VNN2: variants seen among roughly 807,000 people sequenced by gnomAD.
VNN2 encodes the protein pantetheine hydrolase VNN2.
VNN2 carries 43 observed loss-of-function variants against 43.0 expected under a neutral mutation model. The observed-to-expected ratio is 1.00, with a 90% CI of 0.78 to 1.29. The LOEUF is 1.29. Ranked by LOEUF, VNN2 falls within the 50% of genes most tolerant of loss-of-function variation. VNN2 has a pLI of 0.00. For missense variants in VNN2, 652 were observed against 619.7 expected, an observed-to-expected ratio of 1.05 and a Z score of -0.55; for synonymous variants, 230 against 224.3, an observed-to-expected ratio of 1.03 and a Z score of -0.23.
upstream of VNN2, chr6:132,758,041 T>TCTTCTTCTTCTTC (rs1554219567): frequency 2.7e-4 from 67 of 247,712 alleles, 1 homozygote; most frequent in African/African-American, 1.9e-3. Context: ...TTCTTCTTCT[T>TCTTCTTCTTCTTC]TTTTTTTTTT....
At chr6:132,760,915 G>T (rs1239916686), upstream of VNN2, 1 of 151,986 alleles carries the variant, frequency 6.6e-6, no homozygotes, top group African/African-American at 2.4e-5. Flanking sequence ...TCCCTCCTTT[G>T]TTTTTTTATT....
intron 3 of VNN2, chr6:132,753,794 A>G (rs537754488): frequency 5.6e-6 from 1 of 177,984 alleles, no homozygotes; most frequent in East Asian, 1.6e-4. Flanking sequence ...TCTACTAAAA[A>G]ATCCAAAAAT....
chr6:132,758,491 C>A (rs1780636438), upstream of VNN2, among the ~76,000 whole-genome samples: 1 of 151,916 alleles, frequency 6.6e-6, no homozygotes, highest in Non-Finnish European at 1.5e-5. Flanking sequence ...CAAAAGACAC[C>A]CGAATTCAAA....
At chr6:132,753,350 A>C (rs1363940102) in intron 3 of VNN2, 2 of 361,906 alleles carry the variant, frequency 5.5e-6, no homozygotes, top group Admixed American at 3.5e-5. Context: ...AAGTTAAAAA[A>C]CATGCATTAT....
upstream of VNN2, among the ~76,000 whole-genome samples, chr6:132,761,849 T>G (rs185730810): frequency 6.6e-6 from 1 of 152,148 alleles, no homozygotes; most frequent in African/African-American, 2.4e-5. Flanking sequence ...TTTGCACCAC[T>G]TCTTTGGACC....
rs1562243222 is a variant in VNN2, at chr6:132,749,684, A to T, written c.1371+11T>A. ...TATAAAATGAAAATACTCTTATAAA[A>T]GTCCTCTTACCTCAAATTTTCCAGG... On this transcript the variant is annotated intron_variant, in intron 6 of 6. Coordinates refer to ENST00000326499, the MANE Select transcript of VNN2 (RefSeq NM_004665.6). 1 of 1,607,074 alleles carries T rather than the reference A, an allele frequency of 6.2e-7. No individual in the cohort carries two copies.
upstream of VNN2, among the ~76,000 whole-genome samples, chr6:132,762,851 A>C (rs1780769112): frequency 1.3e-5 from 2 of 152,202 alleles, no homozygotes; most frequent in Admixed American, 1.3e-4. Context: ...GGTTCAACCA[A>C]CATGTCTGTT....
chr6:132,748,401 A>C (rs1001316652), intron 6 of VNN2, among the ~76,000 whole-genome samples: 2 of 152,192 alleles, frequency 1.3e-5, no homozygotes, highest in Non-Finnish European at 2.9e-5. Flanking sequence ...CTGTATGTTA[A>C]ATTGTTGGTT....
chr6:132,749,236 G>A (rs1160678426), intron 6 of VNN2, among the ~76,000 whole-genome samples: 1 of 152,160 alleles, frequency 6.6e-6, no homozygotes, highest in Non-Finnish European at 1.5e-5. Flanking sequence ...CACTGCTCAT[G>A]TAACTTCCTG....
chr6:132,750,916 T>C (rs2114556668), intron 5 of VNN2, among the ~76,000 whole-genome samples: 1 of 152,298 alleles, frequency 6.6e-6, no homozygotes, highest in African/African-American at 2.4e-5. Context: ...TTTTTAAATA[T>C]GCTTAAAGCA....
At chr6:132,760,042 G>A (rs773850319), upstream of VNN2, among the ~76,000 whole-genome samples, 6 of 152,378 alleles carry the variant, frequency 3.9e-5, no homozygotes, top group East Asian at 1.9e-4. Flanking sequence ...TAGAGCGACA[G>A]AGCAGGATGT....
At chr6:132,758,018 CTTCTTCTTCTTCTTCTTCTTCTT>C (rs1780599967), upstream of VNN2, 280 of 159,634 alleles carry the variant, frequency 1.8e-3, 14 homozygotes, top group Middle Eastern at 4.6e-3. Flanking sequence ...TCTTCTTCTT[CTTCTTCTTCTTCTTCTTCTTCTT>C]TTTTTTTTTT....
chr6:132,755,536 G>A (rs779574630), intron 3 of VNN2, among the ~76,000 whole-genome samples: 6 of 151,668 alleles, frequency 4.0e-5, no homozygotes, highest in African/African-American at 4.8e-5. Flanking sequence ...ATCACGCCCC[G>A]CTAATTTTTG....
chr6:132,760,297 C>T (rs184047651), upstream of VNN2, among the ~76,000 whole-genome samples: 5 of 152,262 alleles, frequency 3.3e-5, no homozygotes, highest in South Asian at 2.1e-4. Flanking sequence ...ACCTCAGCCT[C>T]GCTAGTAGCT....
At chr6:132,747,550 G>A (rs751504365) in intron 6 of VNN2, among the ~76,000 whole-genome samples, 1 of 152,142 alleles carries the variant, frequency 6.6e-6, no homozygotes, top group Admixed American at 6.5e-5. Context: ...CCAAGAGGCA[G>A]AGTTTGCAGT....
rs751597830 is a variant in VNN2, at chr6:132,751,505, A to G, written c.840T>C (p.Tyr280=). The change falls in exon 5 of 7, where the codon TAT becomes TAC. Residue 280 remains tyrosine (Y), a synonymous_variant. Coordinates refer to ENST00000326499, the MANE Select transcript of VNN2 (RefSeq NM_004665.6). The part of the protein sequence containing the change: ...VSLNMTGSGI[Y]APNGPKVYHY... ...GATACACTTTGGGACCATTTGGTGC[A>G]TAAATACCACTTCCTGTGAATGAAA... 28 of 1,606,794 alleles carry G rather than the reference A, an allele frequency of 1.7e-5. No homozygotes were observed. The South Asian group carries it at 2.0e-4, about 11-fold the overall frequency.
chr6:132,744,632 G>A (rs1235427978), intron 6 of VNN2, 141 bp from the exon 7 acceptor site: 11 of 785,062 alleles, frequency 1.4e-5, no homozygotes, highest in Non-Finnish European at 1.7e-5. Flanking sequence ...AGGCCAGGCA[G>A]GGGACAGCCA....
Position 132,752,428 on chromosome 6 carries a change from T to C in VNN2, c.826+33A>G, listed in dbSNP as rs1035238889. ...GCATTCATTTCTCTGCACTTAAAAA[T>C]ATAAGATGAAACCTAACCTGGTCAT... On this transcript the variant is annotated intron_variant, in intron 4 of 6. Transcript: ENST00000326499. The C allele has an allele frequency of 8.9e-6, 14 of 1,572,358 alleles. 1 individual carries two copies. In the Admixed American group the frequency reaches 9.4e-5, roughly 11 times the overall value.
chr6:132,747,446 A>G (rs35744530), intron 6 of VNN2, among the ~76,000 whole-genome samples: 2,069 of 152,098 alleles, frequency 0.014, 43 homozygotes, highest in African/African-American at 0.045. Flanking sequence ...GTGAAACCCC[A>G]TCTCCACCAA....
Sources: gnomAD v4.1 joint callset for allele counts (sites outside exome capture counted in the v4.1 genomes callset) on GRCh38, gnomAD v4.1.1 for gene constraint, MANE v1.5 for transcripts, NCBI Gene and HGNC (gene_info 2026-07-23, HGNC 2026-07-21) for gene names.